IL4R: variants seen among roughly 807,000 people sequenced by gnomAD.
The protein encoded by IL4R is interleukin-4 receptor subunit alpha.
A neutral mutation model predicts 41.5 loss-of-function variants in IL4R; 17 were observed. That is an observed-to-expected ratio of 0.41 (90% confidence interval 0.28 to 0.61). The LOEUF (loss-of-function observed/expected upper bound fraction) is 0.61. Ranked by LOEUF, IL4R falls within the 20% of genes least tolerant of loss-of-function variation. The pLI, the probability that IL4R is intolerant of heterozygous loss-of-function variation, is 0.31. For missense variants in IL4R, 974 were observed against 1,043.1 expected, an observed-to-expected ratio of 0.93 and a Z score of 0.91; for synonymous variants, 402 against 422.9, an observed-to-expected ratio of 0.95 and a Z score of 0.61.
At chr16:27,355,994 C>A in intron 8 of IL4R, 87 bp downstream of exon 8, 1 of 827,494 alleles carries the variant, frequency 1.2e-6, no homozygotes, top group South Asian at 1.4e-5. Context: ...CCTTTGCAGT[C>A]CTCTCAGTCA....
At chr16:27,328,441 T>G (rs58653621) in intron 1 of IL4R, among the ~76,000 whole-genome samples, 79,170 of 151,716 alleles carry the variant, frequency 0.52, 21,606 homozygotes, top group African/African-American at 0.69. Flanking sequence ...TGTAGAGATG[T>G]GGTTTCACCA....
intron 1 of IL4R, among the ~76,000 whole-genome samples, chr16:27,326,350 TGAG>T (rs1307722123): frequency 6.6e-6 from 1 of 151,996 alleles, no homozygotes; most frequent in African/African-American, 2.4e-5. Context: ...CAAGAATAAA[TGAG>T]GAGATGGCTG....
At chr16:27,355,581 G>A (rs1172957254) in intron 7 of IL4R, 1 of 500,688 alleles carries the variant, frequency 2.0e-6, no homozygotes, top group Non-Finnish European at 3.6e-6. Flanking sequence ...AAGATCTGGA[G>A]GTGGCACTGA....
At chr16:27,322,189 G>A (rs1048278924) in intron 1 of IL4R, among the ~76,000 whole-genome samples, 46 of 151,158 alleles carry the variant, frequency 3.0e-4, no homozygotes, top group Admixed American at 4.0e-4. Context: ...CTCCTTTTGA[G>A]TCTGTCAGTT....
chr16:27,316,509 A>C (rs2084656944), intron 1 of IL4R, among the ~76,000 whole-genome samples: 1 of 152,152 alleles, frequency 6.6e-6, no homozygotes, highest in Non-Finnish European at 1.5e-5. Flanking sequence ...GACTGCCCTC[A>C]CTGGTACCTG....
chr16:27,329,649 C>T (rs1397940597), intron 1 of IL4R, among the ~76,000 whole-genome samples: 3 of 142,622 alleles, frequency 2.1e-5, no homozygotes, highest in Admixed American at 7.3e-5. Flanking sequence ...TGCTCTCCAG[C>T]TTGGGGAACA....
At chr16:27,360,282 G>A (rs1450800281) in intron 9 of IL4R, among the ~76,000 whole-genome samples, 1 of 152,216 alleles carries the variant, frequency 6.6e-6, no homozygotes, top group Non-Finnish European at 1.5e-5. Context: ...CCAAAGTGCT[G>A]GGATTACAGG....
intron 9 of IL4R, chr16:27,359,797 G>A: frequency 2.2e-6 from 1 of 456,968 alleles, no homozygotes; most frequent in Non-Finnish European, 4.4e-6. Flanking sequence ...CAAATACCAA[G>A]TGCCATTTAT....
intron 1 of IL4R, among the ~76,000 whole-genome samples, chr16:27,323,659 CTT>C (rs879485903): frequency 1.4e-5 from 2 of 144,048 alleles, no homozygotes; most frequent in Admixed American, 6.9e-5. Flanking sequence ...TCAAGGGCTT[CTT>C]TTTTTTTTTT....
At chr16:27,348,259 G>T (rs962832765) in intron 6 of IL4R, among the ~76,000 whole-genome samples, 7 of 152,294 alleles carry the variant, frequency 4.6e-5, no homozygotes, top group Non-Finnish European at 8.8e-5. Context: ...AAAGCGGGGG[G>T]CATGGGGGGA....
chr16:27,348,564 C>T (rs1465963090), intron 6 of IL4R, among the ~76,000 whole-genome samples: 1 of 152,228 alleles, frequency 6.6e-6, no homozygotes, highest in Admixed American at 6.5e-5. Context: ...GCAGATATGC[C>T]TACTAGTTGC....
chr16:27,340,298 C>T, intron 3 of IL4R, 25 bp downstream of exon 3: 5 of 1,583,566 alleles, frequency 3.2e-6, no homozygotes, highest in Non-Finnish European at 4.3e-6. Context: ...CTCAATCATT[C>T]ATTTGTTGGC....
intron 6 of IL4R, among the ~76,000 whole-genome samples, chr16:27,348,373 G>T (rs1174843119): frequency 6.6e-6 from 1 of 152,220 alleles, no homozygotes; most frequent in Non-Finnish European, 1.5e-5. Context: ...CCCAAGGATG[G>T]GCTGGGGGGA....
Position 27,360,825 on chromosome 16 carries a change from T to A in IL4R, c.899+10T>A, listed in dbSNP as rs765809790. 5.6e-6 allele frequency: 9 copies of A among 1,614,022 alleles called. No homozygotes were observed. Among genetic ancestry groups the A allele is most frequent in the Non-Finnish European group, 7.6e-6 (9 of 1,180,028 alleles). On this transcript the variant is annotated intron_variant, in intron 10 of 10. Coordinates refer to ENST00000395762, the MANE Select transcript of IL4R (RefSeq NM_000418.4). ...AACCAGCCAAGTGCCCGTATGTATCTGAACTTAGGTCACAGCCTGCATGCA... is the reference window on the plus strand; with the variant it reads ...AACCAGCCAAGTGCCCGTATGTATCAGAACTTAGGTCACAGCCTGCATGCA...
intron 1 of IL4R, among the ~76,000 whole-genome samples, chr16:27,326,089 G>A (rs1179940767): frequency 2.0e-5 from 3 of 152,060 alleles, no homozygotes; most frequent in East Asian, 3.8e-4. Flanking sequence ...AGCCTGGTGT[G>A]AGCCCTGGCA....
chr16:27,335,746 G>A (rs551224691), intron 2 of IL4R, among the ~76,000 whole-genome samples: 26 of 152,158 alleles, frequency 1.7e-4, no homozygotes, highest in African/African-American at 5.5e-4. Flanking sequence ...TCTCTAAGGC[G>A]CTCTGGTTCC....
chr16:27,352,420 C>A, intron 6 of IL4R, 120 bp from the exon 7 acceptor site: 1 of 779,278 alleles, frequency 1.3e-6, no homozygotes, highest in Non-Finnish European at 2.1e-6. Flanking sequence ...GGACGAACAA[C>A]CAAATACCCA....
chr16:27,336,239 T>C (rs2085255554), intron 2 of IL4R, among the ~76,000 whole-genome samples: 1 of 152,182 alleles, frequency 6.6e-6, no homozygotes, highest in African/African-American at 2.4e-5. Context: ...TGTTTTGTTA[T>C]AAAGTGTTGA....
At chr16:27,337,999 C>T (rs367595614) in intron 2 of IL4R, among the ~76,000 whole-genome samples, 2 of 150,234 alleles carry the variant, frequency 1.3e-5, no homozygotes, top group South Asian at 2.1e-4. Flanking sequence ...CTCTGTCACC[C>T]AGGCTGGAGT....
Sources: gnomAD v4.1 joint callset for allele counts (sites outside exome capture counted in the v4.1 genomes callset) on GRCh38, gnomAD v4.1.1 for gene constraint, MANE v1.5 for transcripts, NCBI Gene and HGNC (gene_info 2026-07-23, HGNC 2026-07-21) for gene names.